Variants in COL9A1 observed in about 807,000 individuals in gnomAD.
COL9A1 encodes the protein collagen alpha-1(IX) chain.
COL9A1 carries 104 observed loss-of-function variants against 142.6 expected under a neutral mutation model. The observed-to-expected ratio is 0.73, with a 90% CI of 0.62 to 0.86. COL9A1 has a LOEUF of 0.86. COL9A1 is among the 40% of genes least tolerant of loss of function. The pLI is 0.00. For synonymous variants in COL9A1, 466 were observed against 396.0 expected (o/e 1.18, Z -2.10); for missense variants, 1,210 against 1,176.6 (o/e 1.03, Z -0.42).
intron 4 of COL9A1, among the ~76,000 whole-genome samples, chr6:70,297,481 C>A (rs1214292459): frequency 1.3e-5 from 2 of 151,972 alleles, no homozygotes; most frequent in Non-Finnish European, 2.9e-5. Context: ...GTTGTATATA[C>A]CTAAGACCAC....
chr6:70,302,689 G>T (rs771791676), intron 1 of COL9A1, among the ~76,000 whole-genome samples: 6 of 151,610 alleles, frequency 4.0e-5, no homozygotes, highest in Non-Finnish European at 7.4e-5. Context: ...TTCTGTGGCC[G>T]TCACTTTCTC....
intron 26 of COL9A1, among the ~76,000 whole-genome samples, chr6:70,252,732 T>C (rs1273388772): frequency 6.6e-6 from 1 of 152,162 alleles, no homozygotes; most frequent in African/African-American, 2.4e-5. Context: ...AAATAGGATA[T>C]GCTGCTGAGA....
Position 70,232,682 on chromosome 6 carries a change from C to T in COL9A1, c.2404G>A (p.Gly802Ser), listed in dbSNP as rs774610828. ...GGGAAACCATTCTCTCCAGGAGGGCCGGGGGGACCAGGAGGGCCAGGCCTT... is the reference window on the plus strand; with the variant it reads ...GGGAAACCATTCTCTCCAGGAGGGCTGGGGGGACCAGGAGGGCCAGGCCTT... ...PGRPGPPGPP[G>S]PPGENGFPGQ... The change falls in exon 36 of 38, where the codon GGC becomes AGC. Residue 802 changes from glycine (G) to serine (S), a missense_variant. Physicochemically the swap from Gly to Ser is moderately conservative, Grantham distance 56 (BLOSUM62 0). Transcript: ENST00000357250. 1.3e-5 allele frequency: 21 copies of T among 1,613,822 alleles called. No homozygotes were observed. The highest frequency in any genetic ancestry group is 1.6e-5 in the Non-Finnish European group (19 of 1,180,010).
At chr6:70,215,164 A>G (rs956587653), downstream of COL9A1, 3 of 152,166 alleles carry the variant, frequency 2.0e-5, no homozygotes, top group Non-Finnish European at 2.9e-5. Context: ...TTTATTTTCA[A>G]AAGTCATATT....
At position 70,269,001 on chromosome 6, in the gene COL9A1, C is replaced by T. The variant is rs78257047; in HGVS notation, c.1231-141G>A. On this transcript the variant is annotated intron_variant, in intron 16 of 37. Transcript: ENST00000357250. ...ATAATATTCATTGAATAATTCTAAA[C>T]ACCCCTTTCCTTTTTATTATTATTA... The T allele has an allele frequency of 8.2e-3, 5,580 of 679,302 alleles. 240 individuals are homozygous for T. In the African/African-American group the frequency reaches 0.087, roughly 11 times the overall value. The allele number at this position is 679,302 out of a possible 1,614,324, so 42.1% of individuals were successfully genotyped here.
At chr6:70,226,532 TAGC>T in intron 36 of COL9A1, among the ~76,000 whole-genome samples, 1 of 152,182 alleles carries the variant, frequency 6.6e-6, no homozygotes, top group East Asian at 1.9e-4. Context: ...TTCAGTCAAC[TAGC>T]AGGGTACAAA....
intron 11 of COL9A1, 46 bp downstream of exon 11, chr6:70,274,673 C>T (rs1313282952): frequency 6.8e-7 from 1 of 1,480,704 alleles, no homozygotes; most frequent in South Asian, 1.1e-5. Flanking sequence ...TAAAATTATA[C>T]TTCAGCATTT....
At chr6:70,287,546 C>T (rs1420265329) in intron 5 of COL9A1, among the ~76,000 whole-genome samples, 1 of 152,132 alleles carries the variant, frequency 6.6e-6, no homozygotes, top group Non-Finnish European at 1.5e-5. Flanking sequence ...ATCCTCCCCA[C>T]ATTTTACATA....
At chr6:70,231,616 C>T (rs538517351) in intron 36 of COL9A1, among the ~76,000 whole-genome samples, 1 of 151,828 alleles carries the variant, frequency 6.6e-6, no homozygotes, top group Non-Finnish European at 1.5e-5. Flanking sequence ...AGTTAGCCAA[C>T]TGCATCAGCA....
intron 10 of COL9A1, among the ~76,000 whole-genome samples, chr6:70,277,140 T>C (rs1158219288): frequency 6.6e-6 from 1 of 152,214 alleles, no homozygotes; most frequent in Non-Finnish European, 1.5e-5. Flanking sequence ...ATAATTCTTA[T>C]ACTTTATTCT....
chr6:70,220,587 T>C (rs1562283847), intron 37 of COL9A1, among the ~76,000 whole-genome samples: 1 of 125,068 alleles, frequency 8.0e-6, no homozygotes, highest in Non-Finnish European at 1.7e-5. Flanking sequence ...AGCCTTAACA[T>C]AGCAGATTGT....
intron 33 of COL9A1, 31 bp from the exon 34 acceptor site, chr6:70,234,971 G>T (rs778003265): frequency 1.9e-6 from 3 of 1,613,934 alleles, no homozygotes; most frequent in East Asian, 4.5e-5. Flanking sequence ...ATCAAACCAG[G>T]GCTAAGCATA....
Position 70,281,158 on chromosome 6 carries a change from G to T in COL9A1, c.877-119C>A. The T allele has an allele frequency of 3.3e-6, 3 of 915,204 alleles. No homozygotes were observed. The South Asian group carries it at 5.0e-5, about 15-fold the overall frequency. The allele number at this position is 915,204 out of a possible 1,614,324, so 56.7% of individuals were successfully genotyped here. A position where few individuals can be genotyped will look rare whatever the true frequency, so the allele number is the denominator to read the frequency against. On this transcript the variant is annotated intron_variant, in intron 8 of 37. Transcript: ENST00000357250. The stretch of plus-strand genomic sequence containing the variant: ...GGGGATGGTGTAAGGGTCAAACGTG[G>T]AGGTTCATGACCAACAAGGACAACA...
chr6:70,236,220 C>A (rs1037084279), intron 33 of COL9A1, among the ~76,000 whole-genome samples: 52 of 148,086 alleles, frequency 3.5e-4, no homozygotes, highest in African/African-American at 1.3e-3. Flanking sequence ...TAAAAGTAAA[C>A]CATGTGTTTC....
intron 36 of COL9A1, among the ~76,000 whole-genome samples, chr6:70,231,042 G>A (rs1769507712): frequency 6.6e-6 from 1 of 152,136 alleles, no homozygotes; most frequent in Non-Finnish European, 1.5e-5. Flanking sequence ...CTCCACACCA[G>A]GTGCAGCAGA....
intron 37 of COL9A1, among the ~76,000 whole-genome samples, chr6:70,219,325 CA>C (rs1319796734): frequency 6.6e-6 from 1 of 152,102 alleles, no homozygotes. Flanking sequence ...TCATTGAGAT[CA>C]GGGGTGGGCA....
At chr6:70,261,938 C>T (rs12205998) in intron 19 of COL9A1, among the ~76,000 whole-genome samples, 19,212 of 152,008 alleles carry the variant, frequency 0.13, 1,538 homozygotes, top group Non-Finnish European at 0.18. Context: ...AAAGTACATG[C>T]TTTTTAAATT....
At chr6:70,245,978 C>T (rs1770581908) in intron 28 of COL9A1, 1 of 152,212 alleles carries the variant, frequency 6.6e-6, no homozygotes, top group South Asian at 2.1e-4. Context: ...AATGATGAAC[C>T]ATAACCAAAG....
At chr6:70,302,851 T>C (rs1179259883) in intron 1 of COL9A1, 60 bp downstream of exon 1, 2 of 1,582,124 alleles carry the variant, frequency 1.3e-6, no homozygotes, top group Non-Finnish European at 1.7e-6. Flanking sequence ...ATACAGACCC[T>C]TGGTTCTGAG....
Sources: allele counts gnomAD v4.1 joint callset (sites outside exome capture counted in the v4.1 genomes callset), GRCh38; gene constraint gnomAD v4.1.1; transcripts MANE v1.5; gene names NCBI Gene and HGNC (gene_info 2026-07-23, HGNC 2026-07-21).